Variants in CLVS1 observed in about 807,000 individuals in gnomAD.
CLVS1 encodes clavesin-1.
Under a neutral mutation model 33.1 loss-of-function variants are expected in CLVS1, and 10 were observed. The ratio of observed to expected loss-of-function variants is 0.30; its 90% CI spans 0.19 to 0.51. The LOEUF is 0.51. CLVS1 is among the 20% of genes least tolerant of loss of function. The pLI is 0.97. For missense variants in CLVS1, 343 were observed against 433.4 expected (o/e 0.79, Z 1.85); for synonymous variants, 163 against 166.1 (o/e 0.98, Z 0.14).
rs115218467 is a variant in CLVS1, at chr8:61,113,631, C to T, written c.-242-18139C>T. On this transcript the variant is annotated intron_variant, in intron 1 of 2. Coordinates refer to the CLVS1 transcript ENST00000522621. Reference sequence around the variant, plus strand: ...ACAAGTTGGACCCAGGGAAGTTTTTCAAGAATGCAAGTTTCAGGGTTAGCA... The same window carrying T: ...ACAAGTTGGACCCAGGGAAGTTTTTTAAGAATGCAAGTTTCAGGGTTAGCA... Among the ~76,000 whole-genome samples the T allele has an allele frequency of 6.4e-3, 981 of 152,244 alleles. 10 individuals carry two copies. Among genetic ancestry groups the T allele is most frequent in the African/African-American group, 0.022 (922 of 41,528 alleles).
At chr8:61,152,861 A>G (rs1211249213) in intron 2 of CLVS1, among the ~76,000 whole-genome samples, 2 of 152,208 alleles carry the variant, frequency 1.3e-5, no homozygotes, top group African/African-American at 2.4e-5. Context: ...CACTACAGGT[A>G]TCTGAAAATG....
intron 1 of CLVS1, among the ~76,000 whole-genome samples, chr8:61,291,146 G>A (rs1809974051): frequency 6.6e-6 from 1 of 152,144 alleles, no homozygotes; most frequent in Non-Finnish European, 1.5e-5. Flanking sequence ...CCCTAAGTCT[G>A]ATGCCTCCCA....
At chr8:61,203,914 G>A (rs1390458076) in intron 2 of CLVS1, among the ~76,000 whole-genome samples, 3 of 152,216 alleles carry the variant, frequency 2.0e-5, no homozygotes, top group Non-Finnish European at 4.4e-5. Flanking sequence ...CAGCTCTACA[G>A]AAAGATTCAA....
At chr8:61,190,793 G>A (rs377050924) in intron 2 of CLVS1, among the ~76,000 whole-genome samples, 1 of 151,982 alleles carries the variant, frequency 6.6e-6, no homozygotes, top group South Asian at 2.1e-4. Flanking sequence ...ATAAATTCCT[G>A]GACACATACA....
chr8:61,458,506 A>T lies in CLVS1; in HGVS notation c.941A>T (p.Asn314Ile), dbSNP rs1461656531. 6 of 1,613,006 alleles carry T rather than the reference A, an allele frequency of 3.7e-6. No individual in the cohort carries two copies. In the Admixed American group the frequency reaches 1.0e-4, roughly 27 times the overall value. The change falls in exon 5 of 6, where the codon AAT (asparagine) becomes ATT (isoleucine). Residue 314 changes from asparagine to isoleucine, a missense_variant. Transcript: ENST00000325897. ...ATGCACGTGAAGCATACGTCCTCGA[A>T]TCTGGAGAGAGAATGCTCACCCAAG... ...NAMHVKHTSSNLERECSPKLM... is the reference protein window; with the variant it reads ...NAMHVKHTSSILERECSPKLM...
chr8:61,472,605 A>G (rs1406047539), intron 5 of CLVS1, among the ~76,000 whole-genome samples: 2 of 152,196 alleles, frequency 1.3e-5, no homozygotes, highest in Non-Finnish European at 2.9e-5. Context: ...CCTTAGTCTC[A>G]TTACTTCTCC....
chr8:61,263,732 G>T (rs1295566373), intron 2 of CLVS1, among the ~76,000 whole-genome samples: 1 of 152,158 alleles, frequency 6.6e-6, no homozygotes, highest in East Asian at 1.9e-4. Flanking sequence ...TTTGAGTCCT[G>T]CTGCTTAATA....
At chr8:61,026,849 A>G in the CLVS1 span, among the ~76,000 whole-genome samples, 1 of 152,200 alleles carries the variant, frequency 6.6e-6, no homozygotes, top group Non-Finnish European at 1.5e-5. Flanking sequence ...ATTTAACTCC[A>G]GAGGTATTAC....
intron 2 of CLVS1, among the ~76,000 whole-genome samples, chr8:61,280,882 C>A (rs1369862206): frequency 2.0e-5 from 3 of 152,180 alleles, no homozygotes; most frequent in Non-Finnish European, 2.9e-5. Flanking sequence ...CCCACCTAGG[C>A]CTCCCAAAGT....
intron 3 of CLVS1, among the ~76,000 whole-genome samples, chr8:61,435,786 T>G (rs1335675093): frequency 6.6e-6 from 1 of 152,204 alleles, no homozygotes. Context: ...CAGAAAATTT[T>G]ATTTTTATTA....
chr8:61,096,301 G>T (rs549069666), intron 1 of CLVS1, among the ~76,000 whole-genome samples: 91 of 152,314 alleles, frequency 6.0e-4, no homozygotes, highest in Non-Finnish European at 1.0e-3. Flanking sequence ...GTGGGTTTGC[G>T]CAAGGGCGAC....
chr8:61,334,225 C>T (rs1386533482), intron 2 of CLVS1, among the ~76,000 whole-genome samples: 3 of 152,164 alleles, frequency 2.0e-5, no homozygotes, highest in East Asian at 1.9e-4. Context: ...TGCCAGCCAG[C>T]GGCTGAGTAG....
chr8:61,132,049 G>A (rs1806109703), intron 2 of CLVS1, among the ~76,000 whole-genome samples: 1 of 152,240 alleles, frequency 6.6e-6, no homozygotes, highest in Non-Finnish European at 1.5e-5. Context: ...GTCATCAAGG[G>A]TGCCAAGTGA....
intron 1 of CLVS1, among the ~76,000 whole-genome samples, chr8:61,098,614 A>G (rs1805395198): frequency 6.6e-6 from 1 of 151,994 alleles, no homozygotes; most frequent in Middle Eastern, 3.4e-3. Context: ...TCCTTGCAAC[A>G]CTCCTGGGAG....
intron 2 of CLVS1, among the ~76,000 whole-genome samples, chr8:61,312,985 AC>A (rs1333415310): frequency 1.3e-5 from 2 of 152,162 alleles, no homozygotes; most frequent in Non-Finnish European, 2.9e-5. Flanking sequence ...ATTCAGCATT[AC>A]TTTCCTTATC....
At chr8:61,091,233 T>C (rs1036935854) in intron 1 of CLVS1, among the ~76,000 whole-genome samples, 5 of 152,168 alleles carry the variant, frequency 3.3e-5, no homozygotes, top group Non-Finnish European at 5.9e-5. Flanking sequence ...CCAAGGCATG[T>C]CAGCAGCCTC....
chr8:61,255,063 G>A (rs973173409), intron 2 of CLVS1, among the ~76,000 whole-genome samples: 1 of 152,034 alleles, frequency 6.6e-6, no homozygotes, highest in African/African-American at 2.4e-5. Context: ...CCCTATTTGT[G>A]GTTTTTTGTA....
At chr8:61,442,924 AT>A (rs1426963324) in intron 3 of CLVS1, among the ~76,000 whole-genome samples, 4 of 152,128 alleles carry the variant, frequency 2.6e-5, no homozygotes, top group Non-Finnish European at 5.9e-5. Flanking sequence ...TTTTTAAGCC[AT>A]TCTGATGGAT....
chr8:61,140,848 G>A (rs994885037), intron 2 of CLVS1, among the ~76,000 whole-genome samples: 2 of 152,190 alleles, frequency 1.3e-5, no homozygotes, highest in African/African-American at 2.4e-5. Context: ...TTACAGGCGT[G>A]AGCCACCGTA....
Sources: allele counts gnomAD v4.1 joint callset (sites outside exome capture counted in the v4.1 genomes callset), GRCh38; gene constraint gnomAD v4.1.1; transcripts MANE v1.5; gene names NCBI Gene and HGNC (gene_info 2026-07-23, HGNC 2026-07-21).